Variants in CRYZ observed in about 807,000 individuals in gnomAD.
The protein encoded by CRYZ is crystallin zeta.
A neutral mutation model predicts 34.1 loss-of-function variants in CRYZ; 35 were observed. That is an observed-to-expected ratio of 1.03 (90% CI 0.78 to 1.36). The LOEUF (loss-of-function observed/expected upper bound fraction) is 1.36, where lower values mean the gene tolerates loss of function less well. Ranked by LOEUF, CRYZ falls within the 40% of genes most tolerant of loss-of-function variation. The pLI is 0.00. For synonymous variants in CRYZ, 137 were observed against 136.5 expected (o/e 1.00, Z -0.03); for missense variants, 403 against 391.8 (o/e 1.03, Z -0.24).
At chr1:74,720,787 T>C (rs1459049832) in intron 3 of CRYZ, among the ~76,000 whole-genome samples, 1 of 152,210 alleles carries the variant, frequency 6.6e-6, no homozygotes, top group African/African-American at 2.4e-5. Flanking sequence ...TTACTGCGAA[T>C]ATACTACATA....
chr1:74,728,564 G>A (rs1273801926), intron 1 of CRYZ, among the ~76,000 whole-genome samples: 1 of 152,174 alleles, frequency 6.6e-6, no homozygotes, highest in Admixed American at 6.5e-5. Context: ...GACCTGATAT[G>A]AAAGAATTCA....
chr1:74,732,564 C>T (rs1296146141), intron 1 of CRYZ, among the ~76,000 whole-genome samples: 1 of 141,588 alleles, frequency 7.1e-6, no homozygotes, highest in Admixed American at 7.5e-5. Flanking sequence ...AACCCAGGCA[C>T]TGGCTGCAGG....
At chr1:74,714,456 A>G (rs1228005358) in intron 5 of CRYZ, 123 bp downstream of exon 5, 6 of 851,942 alleles carry the variant, frequency 7.0e-6, no homozygotes, top group Non-Finnish European at 9.2e-6. Flanking sequence ...GTTTTACTAC[A>G]TAAAGAAAAA....
chr1:74,726,909 G>T (rs1647372330), intron 1 of CRYZ, among the ~76,000 whole-genome samples: 1 of 152,068 alleles, frequency 6.6e-6, no homozygotes, highest in Non-Finnish European at 1.5e-5. Flanking sequence ...GATGTCTAGG[G>T]CAGGGGCAAA....
At chr1:74,714,212 T>A (rs754567899) in intron 5 of CRYZ, among the ~76,000 whole-genome samples, 7 of 152,126 alleles carry the variant, frequency 4.6e-5, no homozygotes, top group Non-Finnish European at 7.3e-5. Context: ...CTTAGTTTCC[T>A]TATCTAAGGG....
chr1:74,719,454 TA>T, intron 3 of CRYZ, 82 bp from the exon 4 acceptor site: 2 of 1,311,356 alleles, frequency 1.5e-6, no homozygotes, highest in Non-Finnish European at 2.1e-6. Flanking sequence ...TAACAAGAAA[TA>T]AGTGAGTACT....
At chr1:74,727,520 T>C (rs1647424382) in intron 1 of CRYZ, among the ~76,000 whole-genome samples, 1 of 146,006 alleles carries the variant, frequency 6.8e-6, no homozygotes, top group Non-Finnish European at 1.5e-5. Flanking sequence ...TAGTCCCAGC[T>C]ACTCAGGAGG....
chr1:74,714,864 A>G (rs1317380449), intron 4 of CRYZ, among the ~76,000 whole-genome samples: 2 of 152,140 alleles, frequency 1.3e-5, no homozygotes, highest in Non-Finnish European at 2.9e-5. Flanking sequence ...TCCAGGCACT[A>G]TGCTGCTGGA....
At position 74,730,408 on chromosome 1, in the gene CRYZ, A is replaced by T. The variant is rs530209876; in HGVS notation, c.-14+2548T>A. On this transcript the variant is annotated intron_variant, in intron 1 of 8. Transcript: ENST00000340866. ...TATCCACGGGATCATCATATGCTTCATAACGATGAAGCCTGTCAAAGGAGA... is the reference window on the plus strand; with the variant it reads ...TATCCACGGGATCATCATATGCTTCTTAACGATGAAGCCTGTCAAAGGAGA... 9 of 152,334 alleles carry T rather than the reference A, an allele frequency of 5.9e-5. No homozygotes were observed. The East Asian group carries it at 1.7e-3, about 29-fold the overall frequency. 9.4% of individuals were successfully genotyped at this position (152,334 alleles called of 1,614,324 possible).
At chr1:74,726,659 G>C (rs1647357276) in intron 1 of CRYZ, among the ~76,000 whole-genome samples, 1 of 152,166 alleles carries the variant, frequency 6.6e-6, no homozygotes, top group African/African-American at 2.4e-5. Flanking sequence ...TTCTGCGGCT[G>C]GCTTGAATTT....
intron 3 of CRYZ, among the ~76,000 whole-genome samples, chr1:74,720,086 G>T (rs1176159221): frequency 6.6e-6 from 1 of 152,016 alleles, no homozygotes; most frequent in Admixed American, 6.6e-5. Flanking sequence ...GAGGAACAAA[G>T]AAGTTCAATA....
intron 4 of CRYZ, among the ~76,000 whole-genome samples, chr1:74,715,152 A>C (rs1338742212): frequency 6.6e-6 from 1 of 152,192 alleles, no homozygotes; most frequent in Admixed American, 6.5e-5. Context: ...GTACTCTTTC[A>C]GGGAGGAATG....
chr1:74,724,285 T>TA (rs1240684427), intron 2 of CRYZ, among the ~76,000 whole-genome samples: 1 of 152,192 alleles, frequency 6.6e-6, no homozygotes, highest in East Asian at 1.9e-4. Context: ...AGTGTATTGT[T>TA]AAAGTCACTG....
chr1:74,724,203 A>G (rs113123793), intron 2 of CRYZ, among the ~76,000 whole-genome samples: 86 of 152,342 alleles, frequency 5.6e-4, no homozygotes, highest in African/African-American at 2.0e-3. Flanking sequence ...AGACTCTCAT[A>G]GGCTTGCTAA....
At chr1:74,707,698 C>T (rs1646948679) in intron 6 of CRYZ, 1 of 152,454 alleles carries the variant, frequency 6.6e-6, no homozygotes, top group African/African-American at 2.4e-5. Context: ...GATGCACTAA[C>T]TCTTTTGGGC....
At chr1:74,711,498 GAA>G (rs1331584732) in intron 5 of CRYZ, among the ~76,000 whole-genome samples, 1 of 152,184 alleles carries the variant, frequency 6.6e-6, no homozygotes, top group African/African-American at 2.4e-5. Flanking sequence ...GGGAGATGAG[GAA>G]AAGAGAAAAA....
At position 74,724,702 on chromosome 1, in the gene CRYZ, T is replaced by C. The variant is rs542801650; in HGVS notation, c.111+9A>G. On this transcript the variant is annotated intron_variant, in intron 2 of 8. Transcript: ENST00000340866. ...AATTATAGCCTCAATAAAGTAATTT[T>C]ATTTCTACCTGATGGTCTTTTGGAA... The C allele has an allele frequency of 1.6e-5, 25 of 1,564,178 alleles. No homozygotes were observed. The African/African-American group carries it at 1.6e-4, about 10-fold the overall frequency.
At chr1:74,724,680 T>C in intron 2 of CRYZ, 31 bp downstream of exon 2, 1 of 1,344,814 alleles carries the variant, frequency 7.4e-7, no homozygotes, top group Non-Finnish European at 1.1e-6. Context: ...TCAGTATAAT[T>C]ATAGCCTCAA....
At chr1:74,717,147 T>G (rs1439930850) in intron 4 of CRYZ, among the ~76,000 whole-genome samples, 1 of 152,182 alleles carries the variant, frequency 6.6e-6, no homozygotes, top group Non-Finnish European at 1.5e-5. Flanking sequence ...GAAGCCAATC[T>G]CTCTACCTAT....
Sources: allele counts gnomAD v4.1 joint callset (sites outside exome capture counted in the v4.1 genomes callset), GRCh38; gene constraint gnomAD v4.1.1; transcripts MANE v1.5; gene names NCBI Gene and HGNC (gene_info 2026-07-23, HGNC 2026-07-21).